GALNT18: variants seen among roughly 807,000 people sequenced by gnomAD.
The protein encoded by GALNT18 is GalNAc-transferase 18.
In GALNT18, 44 loss-of-function variants were observed where a neutral mutation model predicts 69.5. The observed-to-expected ratio is 0.63, with a 90% CI of 0.50 to 0.81. GALNT18 has a LOEUF of 0.81. Among genes scored for constraint, GALNT18 ranks in the 40% least tolerant of loss-of-function variants. The pLI is 0.00. For synonymous variants in GALNT18, 364 were observed against 318.2 expected, an observed-to-expected ratio of 1.14 and a Z score of -1.53; for missense variants, 715 against 810.0, an observed-to-expected ratio of 0.88 and a Z score of 1.42.
intron 10 of GALNT18, among the ~76,000 whole-genome samples, chr11:11,287,127 C>T (rs753210611): frequency 7.9e-5 from 12 of 152,204 alleles, no homozygotes; most frequent in Non-Finnish European, 1.6e-4. Flanking sequence ...CTACATAGGA[C>T]AACCCTGCTG....
At chr11:11,489,187 C>T (rs1293691788) in intron 1 of GALNT18, among the ~76,000 whole-genome samples, 1 of 152,180 alleles carries the variant, frequency 6.6e-6, no homozygotes, top group East Asian at 1.9e-4. Flanking sequence ...TTATCTTATT[C>T]CATCCCCACA....
Position 11,439,018 on chromosome 11 carries a change from G to A in GALNT18, c.429-6231C>T, listed in dbSNP as rs1341530929. 6.6e-6 allele frequency among the ~76,000 whole-genome samples: 1 copy of A among 152,164 alleles called. No homozygotes were observed. The highest frequency in any genetic ancestry group is 1.5e-5 in the Non-Finnish European group (1 of 68,038). ...TCCTGAGCCCCAAATAGCCATCAAA[G>A]AGCTAGCTGCAGGCCTATGAGGCAG... On this transcript the variant is annotated intron_variant, in intron 2 of 10. Coordinates refer to ENST00000227756, the MANE Select transcript of GALNT18 (RefSeq NM_198516.3). The surrounding 1 kb of genome is among the most constrained non-coding windows in gnomAD (Gnocchi z 4.4).
intron 1 of GALNT18, among the ~76,000 whole-genome samples, chr11:11,484,923 G>A (rs1019420098): frequency 1.2e-4 from 18 of 152,318 alleles, no homozygotes; most frequent in Non-Finnish European, 2.2e-4. Context: ...AGGCAGCCGC[G>A]ACATGAGCTT....
intron 3 of GALNT18, among the ~76,000 whole-genome samples, chr11:11,386,203 G>A (rs1854052699): frequency 6.6e-6 from 1 of 152,148 alleles, no homozygotes; most frequent in Admixed American, 6.5e-5. Flanking sequence ...TCACTTATCA[G>A]GTGGGATGAC....
rs73417699 is a variant in GALNT18 at position 11,332,401 on chromosome 11, T to C, written c.1416+293A>G. ...GTGTTTGTTACCTTACCTTTTAATC[T>C]TAAGCTAACTGCTTTATTATGTGTT... On this transcript the variant is annotated intron_variant, in intron 8 of 10. Coordinates refer to ENST00000227756, the MANE Select transcript of GALNT18 (RefSeq NM_198516.3). This position sits in a 1 kb window ranked among gnomAD's most constrained non-coding sequence, Gnocchi z 4.3. Among the ~76,000 whole-genome samples, 4,338 of 152,292 alleles carry C rather than the reference T, an allele frequency of 0.028. 198 individuals carry two copies. Among genetic ancestry groups the C allele is most frequent in the African/African-American group, 0.098 (4,070 of 41,538 alleles).
At chr11:11,508,237 A>G (rs189351419) in intron 1 of GALNT18, among the ~76,000 whole-genome samples, 1 of 152,238 alleles carries the variant, frequency 6.6e-6, no homozygotes, top group East Asian at 1.9e-4. Flanking sequence ...CTACACACAT[A>G]TACCCTTTTT....
At chr11:11,522,569 C>T (rs941983902) in intron 1 of GALNT18, among the ~76,000 whole-genome samples, 2 of 152,200 alleles carry the variant, frequency 1.3e-5, no homozygotes, top group Admixed American at 6.5e-5. Flanking sequence ...AGAGGGAAGA[C>T]CTCTGACTGG....
Position 11,564,874 on chromosome 11 carries a change from G to C in GALNT18, c.235+56485C>G, listed in dbSNP as rs1395304782. On this transcript the variant is annotated intron_variant, in intron 1 of 10. Transcript: ENST00000227756. The surrounding 1 kb of genome is among the most constrained non-coding windows in gnomAD (Gnocchi z 4.3). ...GTTCATAAGTGGCCTGTGTCTGCTC[G>C]ATACCATAGTGAACAGAATAGGTCT... Among the ~76,000 whole-genome samples, 10 of 152,170 alleles carry C rather than the reference G, an allele frequency of 6.6e-5. No individual in the cohort carries two copies. Among genetic ancestry groups the C allele is most frequent in the Non-Finnish European group, 1.5e-4 (10 of 68,038 alleles).
At chr11:11,441,242 C>T (rs934876460) in intron 2 of GALNT18, among the ~76,000 whole-genome samples, 4 of 152,200 alleles carry the variant, frequency 2.6e-5, no homozygotes, top group African/African-American at 9.7e-5. Context: ...TAACCAGAAC[C>T]AGAGGTATTT....
chr11:11,372,366 C>A lies in GALNT18; in HGVS notation c.1092+149G>T. On this transcript the variant is annotated intron_variant, in intron 6 of 10. Transcript: ENST00000227756. This position sits in a 1 kb window ranked among gnomAD's most constrained non-coding sequence, Gnocchi z 4.9. ...AAAGTCAAGAGGCTCCACCCTGTGT[C>A]TTCCCAATCCCAATCACACACAGGA... The A allele has an allele frequency of 1.5e-6, 1 of 650,336 alleles. No homozygotes were observed. Among genetic ancestry groups the A allele is most frequent in the Non-Finnish European group, 2.7e-6 (1 of 373,394 alleles). 40.3% of individuals were successfully genotyped at this position (650,336 alleles called of 1,614,324 possible). A position where few individuals can be genotyped will look rare whatever the true frequency, so the allele number is the denominator to read the frequency against.
At chr11:11,398,109 A>G (rs1408694760) in intron 3 of GALNT18, among the ~76,000 whole-genome samples, 3 of 152,208 alleles carry the variant, frequency 2.0e-5, no homozygotes, top group African/African-American at 7.2e-5. Context: ...AGCTTTTGGT[A>G]TTTGCATTTT....
intron 9 of GALNT18, among the ~76,000 whole-genome samples, chr11:11,297,923 A>G (rs1849430126): frequency 6.6e-6 from 1 of 152,194 alleles, no homozygotes; most frequent in Non-Finnish European, 1.5e-5. Context: ...TAAAACAATC[A>G]ACACATCCGT....
chr11:11,319,061 A>G (rs971646532), intron 9 of GALNT18, among the ~76,000 whole-genome samples: 16 of 146,900 alleles, frequency 1.1e-4, no homozygotes, highest in Admixed American at 2.0e-4. Flanking sequence ...GTCTACAGAT[A>G]CTCAGTTCCT....
At position 11,454,258 on chromosome 11, in the gene GALNT18, GCA is replaced by G. The variant is rs759826804; in HGVS notation, c.236-5324_236-5323del. ...CCAGTTCACTTAAGCAAATGATTGT[GCA>G]CAGTTACGCAGACTGGCACGGCATG... On this transcript the variant is annotated intron_variant, in intron 1 of 10. Transcript: ENST00000227756. The surrounding 1 kb of genome is among the most constrained non-coding windows in gnomAD (Gnocchi z 4.2). 7.2e-5 allele frequency among the ~76,000 whole-genome samples: 11 copies of G among 152,146 alleles called. No homozygotes were observed. The highest frequency in any genetic ancestry group is 1.3e-4 in the Admixed American group (2 of 15,266).
chr11:11,458,496 A>C (rs1855970342), intron 1 of GALNT18, among the ~76,000 whole-genome samples: 1 of 152,196 alleles, frequency 6.6e-6, no homozygotes, highest in Admixed American at 6.5e-5. Flanking sequence ...AGAAATGTAC[A>C]TTTCTCTTGT....
At chr11:11,504,825 G>T (rs535985239) in intron 1 of GALNT18, among the ~76,000 whole-genome samples, 1 of 152,222 alleles carries the variant, frequency 6.6e-6, no homozygotes, top group East Asian at 1.9e-4. Context: ...GGCAAGAGGG[G>T]CAATTTACTG....
rs78555964 is a variant in GALNT18, at chr11:11,380,658, C to T, written c.596-1394G>A. 3.6e-3 allele frequency among the ~76,000 whole-genome samples: 545 copies of T among 152,336 alleles called. 4 individuals are homozygous for T. Among genetic ancestry groups the T allele is most frequent in the African/African-American group, 0.013 (520 of 41,580 alleles). ...CTACTAAGTCAGGCCTCCTCCATCCCATCTCTGTGGATGCGGGTGCATGTG... is the reference window on the plus strand; with the variant it reads ...CTACTAAGTCAGGCCTCCTCCATCCTATCTCTGTGGATGCGGGTGCATGTG... On this transcript the variant is annotated intron_variant, in intron 3 of 10. Transcript: ENST00000227756.
intron 3 of GALNT18, among the ~76,000 whole-genome samples, chr11:11,418,464 T>C (rs1854917633): frequency 1.3e-5 from 2 of 152,158 alleles, no homozygotes; most frequent in African/African-American, 4.8e-5. Context: ...TCCATCATCA[T>C]CTCCATTTAC....
rs2133054822 is a variant in GALNT18, at chr11:11,338,849, G to T, written c.1278+1970C>A. 6.6e-6 allele frequency among the ~76,000 whole-genome samples: 1 copy of T among 152,274 alleles called. No individual in the cohort carries two copies. The highest frequency in any genetic ancestry group is 1.5e-5 in the Non-Finnish European group (1 of 68,026). ...ATGTAAGCACCCAGTGAAGGTAAGA[G>T]GAGCCCTTGAAGAGTTAGGAATAAA... On this transcript the variant is annotated intron_variant, in intron 7 of 10. Coordinates refer to ENST00000227756, the MANE Select transcript of GALNT18 (RefSeq NM_198516.3). The surrounding 1 kb of genome is among the most constrained non-coding windows in gnomAD (Gnocchi z 5.3).
Sources: gnomAD v4.1 joint callset for allele counts (sites outside exome capture counted in the v4.1 genomes callset) on GRCh38, gnomAD v4.1.1 for gene constraint, Gnocchi (gnomAD v3.1) non-coding constraint, MANE v1.5 for transcripts, NCBI Gene and HGNC (gene_info 2026-07-23, HGNC 2026-07-21) for gene names.